ZNF804A: variants seen among roughly 807,000 people sequenced by gnomAD.
ZNF804A encodes zinc finger protein 804A.
Under a neutral mutation model 16.5 loss-of-function variants are expected in ZNF804A, and 2 were observed. The observed-to-expected ratio is 0.12, with a 90% CI of 0.05 to 0.38. The LOEUF (loss-of-function observed/expected upper bound fraction) is 0.38, where lower values mean the gene tolerates loss of function less well. Among genes scored for constraint, ZNF804A ranks in the 10% least tolerant of loss-of-function variants. The pLI is 0.99. For missense variants in ZNF804A, 1,473 were observed against 1,390.7 expected (o/e 1.06, Z -0.94); for synonymous variants, 534 against 489.6 (o/e 1.09, Z -1.20).
chr2:184,927,950 GA>G (rs1685634947), intron 2 of ZNF804A, among the ~76,000 whole-genome samples: 1 of 152,042 alleles, frequency 6.6e-6, no homozygotes, highest in Admixed American at 6.5e-5. Context: ...GGGACCCCAA[GA>G]GATCATTTGG....
chr2:184,868,374 A>G (rs948628356), intron 2 of ZNF804A, among the ~76,000 whole-genome samples: 1 of 152,058 alleles, frequency 6.6e-6, no homozygotes, highest in African/African-American at 2.4e-5. Context: ...CATCGCTATG[A>G]CCATCAATAT....
At chr2:184,855,908 G>A (rs1695679473) in intron 1 of ZNF804A, among the ~76,000 whole-genome samples, 1 of 152,000 alleles carries the variant, frequency 6.6e-6, no homozygotes, top group Non-Finnish European at 1.5e-5. Context: ...TCAATCCTCA[G>A]AAACAGACCT....
intron 1 of ZNF804A, among the ~76,000 whole-genome samples, chr2:184,743,981 T>C (rs1477839734): frequency 6.6e-6 from 1 of 151,952 alleles, no homozygotes; most frequent in Non-Finnish European, 1.5e-5. Flanking sequence ...TTGACATCTA[T>C]GTATTAGTTT....
At chr2:184,858,681 A>G (rs1287643404) in intron 1 of ZNF804A, among the ~76,000 whole-genome samples, 1 of 152,052 alleles carries the variant, frequency 6.6e-6, no homozygotes, top group Non-Finnish European at 1.5e-5. Flanking sequence ...TTGAACTTTC[A>G]TACTAAATAT....
At chr2:184,781,623 G>T (rs1167443649) in intron 1 of ZNF804A, among the ~76,000 whole-genome samples, 1 of 151,654 alleles carries the variant, frequency 6.6e-6, no homozygotes, top group Non-Finnish European at 1.5e-5. Flanking sequence ...AGTCAAAAGT[G>T]CTGTGTACAC....
chr2:184,656,175 G>T (rs1692071013), intron 1 of ZNF804A, among the ~76,000 whole-genome samples: 1 of 151,840 alleles, frequency 6.6e-6, no homozygotes, highest in Admixed American at 6.6e-5. Flanking sequence ...GTGTATCTGT[G>T]GTATACATCA....
chr2:184,920,143 C>A (rs1389514488), intron 2 of ZNF804A, among the ~76,000 whole-genome samples: 1 of 151,938 alleles, frequency 6.6e-6, no homozygotes, highest in East Asian at 1.9e-4. Context: ...AACAAAAAAC[C>A]TGTAGTGCTG....
intron 2 of ZNF804A, among the ~76,000 whole-genome samples, chr2:184,885,417 G>T (rs935357040): frequency 3.3e-5 from 5 of 152,066 alleles, no homozygotes; most frequent in Non-Finnish European, 7.4e-5. Flanking sequence ...ATTCACAATA[G>T]CAAAGACAGG....
intron 1 of ZNF804A, among the ~76,000 whole-genome samples, chr2:184,659,459 A>G (rs1487028407): frequency 6.6e-6 from 1 of 152,010 alleles, no homozygotes; most frequent in Non-Finnish European, 1.5e-5. Flanking sequence ...TTAGTGTTTT[A>G]TATATACCTA....
intron 2 of ZNF804A, among the ~76,000 whole-genome samples, chr2:184,906,172 C>A (rs995226261): frequency 1.3e-5 from 2 of 152,146 alleles, no homozygotes; most frequent in Non-Finnish European, 2.9e-5. Flanking sequence ...CTAAAGGATT[C>A]ATAAAATAAT....
At chr2:184,866,796 A>AG (rs1457184886) in intron 2 of ZNF804A, among the ~76,000 whole-genome samples, 1 of 151,296 alleles carries the variant, frequency 6.6e-6, no homozygotes, top group Non-Finnish European at 1.5e-5. Flanking sequence ...ATATTCTACA[A>AG]GTGATGATCC....
chr2:184,774,918 C>T (rs574893082), intron 1 of ZNF804A, among the ~76,000 whole-genome samples: 3 of 151,362 alleles, frequency 2.0e-5, no homozygotes, highest in Admixed American at 6.6e-5. Context: ...ATGGATCACT[C>T]TCTTTTTTTT....
intron 2 of ZNF804A, among the ~76,000 whole-genome samples, chr2:184,927,624 C>A (rs1005349546): frequency 5.3e-5 from 8 of 152,172 alleles, no homozygotes; most frequent in African/African-American, 1.7e-4. Flanking sequence ...AGCCAGGGTC[C>A]AGAATCAAAA....
intron 2 of ZNF804A, among the ~76,000 whole-genome samples, chr2:184,904,502 A>T (rs1685238932): frequency 6.6e-6 from 1 of 152,108 alleles, no homozygotes; most frequent in South Asian, 2.1e-4. Flanking sequence ...TTAGTTTCAC[A>T]GGCACAATTA....
In ZNF804A at chr2:184,678,266, C is replaced by T. The variant is rs143688455; in HGVS notation, c.111+79196C>T. On this transcript the variant is annotated intron_variant, in intron 1 of 3. Transcript: ENST00000302277. ...TTTAATATAATTTTGAAGTAGTCAG[C>T]TAATCATGTGAGTGATTTTTTATTG... Among the ~76,000 whole-genome samples, 473 of 152,144 alleles carry T rather than the reference C, an allele frequency of 3.1e-3. 2 individuals carry two copies. The highest frequency in any genetic ancestry group is 8.5e-3 in the African/African-American group (355 of 41,524).
At chr2:184,900,076 T>A (rs530166394) in intron 2 of ZNF804A, among the ~76,000 whole-genome samples, 1 of 151,840 alleles carries the variant, frequency 6.6e-6, no homozygotes, top group Admixed American at 6.6e-5. Context: ...CTAAGAAAAA[T>A]TTTTACATGA....
At chr2:184,683,290 AC>A (rs1488454500) in intron 1 of ZNF804A, among the ~76,000 whole-genome samples, 4 of 152,056 alleles carry the variant, frequency 2.6e-5, no homozygotes, top group Admixed American at 6.6e-5. Context: ...GGGGATATAC[AC>A]TTTTTTTTCT....
intron 1 of ZNF804A, among the ~76,000 whole-genome samples, chr2:184,852,421 CTG>C (rs1489026503): frequency 1.3e-5 from 2 of 148,920 alleles, no homozygotes; most frequent in Middle Eastern, 3.6e-3. Context: ...GTTTCCTTGA[CTG>C]TGCAGAGCTT....
intron 2 of ZNF804A, among the ~76,000 whole-genome samples, chr2:184,920,554 T>G (rs1685514787): frequency 1.3e-5 from 2 of 152,128 alleles, no homozygotes; most frequent in Admixed American, 1.3e-4. Context: ...CCCTTGTATG[T>G]GGATGGAAAC....
Sources: gnomAD v4.1 joint callset for allele counts (sites outside exome capture counted in the v4.1 genomes callset) on GRCh38, gnomAD v4.1.1 for gene constraint, MANE v1.5 for transcripts, NCBI Gene and HGNC (gene_info 2026-07-23, HGNC 2026-07-21) for gene names.